The following TSHZ2 variants were observed in gnomAD, a reference collection of about 807,000 sequenced individuals.
TSHZ2 encodes teashirt zinc finger homeobox 2.
In TSHZ2, 21 loss-of-function variants were observed where a neutral mutation model predicts 74.4. The ratio of observed to expected loss-of-function variants is 0.28; its 90% CI spans 0.20 to 0.41. The LOEUF is 0.41. Ranked by LOEUF, TSHZ2 falls within the 10% of genes least tolerant of loss-of-function variation. The pLI is 1.00. For synonymous variants in TSHZ2, 540 were observed against 515.3 expected (o/e 1.05, Z -0.65); for missense variants, 1,244 against 1,293.5 (o/e 0.96, Z 0.59).
intron 1 of TSHZ2, among the ~76,000 whole-genome samples, chr20:53,143,098 G>A (rs954583845): frequency 6.6e-6 from 1 of 152,106 alleles, no homozygotes; most frequent in Non-Finnish European, 1.5e-5. Flanking sequence ...ACCAGATGAG[G>A]CATATGTAAA....
At chr20:53,373,594 T>A (rs2067853473) in intron 2 of TSHZ2, among the ~76,000 whole-genome samples, 1 of 152,186 alleles carries the variant, frequency 6.6e-6, no homozygotes, top group Non-Finnish European at 1.5e-5. Context: ...GAGACGGTGA[T>A]GACTTAAAGT....
Position 53,255,677 on chromosome 20 carries a change from C to G in TSHZ2, c.2219C>G (p.Pro740Arg), listed in dbSNP as rs763413101. The G allele has an allele frequency of 1.3e-6, 2 of 1,585,072 alleles. No homozygotes were observed. Among genetic ancestry groups the G allele is most frequent in the Non-Finnish European group, 1.7e-6 (2 of 1,166,266 alleles). The change falls in exon 2 of 3, where the codon CCG (proline) becomes CGG (arginine). Residue 740 changes from proline to arginine, a missense_variant. Pro to Arg is a moderately radical substitution (Grantham distance 103). Around this residue, in one of 6 missense-constraint regions of TSHZ2, gnomAD observed 562 missense variants for 544.0 expected, o/e 1.03. Coordinates refer to ENST00000371497, the MANE Select transcript of TSHZ2 (RefSeq NM_173485.6). This position sits in a 1 kb window ranked among gnomAD's most constrained non-coding sequence, Gnocchi z 4.1. ...HKSNLNVMDK[P>R]VLSPASTRSA... Reference sequence around the variant, plus strand: ...TCGAATCTCAATGTCATGGACAAGCCGGTCTTGAGTCCTGCCTCCACAAGG... The same window carrying G: ...TCGAATCTCAATGTCATGGACAAGCGGGTCTTGAGTCCTGCCTCCACAAGG...
intron 1 of TSHZ2, among the ~76,000 whole-genome samples, chr20:53,163,905 T>C (rs1039750113): frequency 6.6e-6 from 1 of 152,222 alleles, no homozygotes; most frequent in African/African-American, 2.4e-5. Flanking sequence ...CAGCAATTGA[T>C]AACTAATATA....
rs191033418 is a variant in TSHZ2 at position 53,205,277 on chromosome 20, C to T, written c.41-48222C>T. ...GAGTTGGTGGCTGGCTTCCAACATG[C>T]GCCTAAGCTTAAAATAGCATGCATT... On this transcript the variant is annotated intron_variant, in intron 1 of 2. Transcript: ENST00000371497. Among the ~76,000 whole-genome samples the T allele has an allele frequency of 9.2e-5, 14 of 152,196 alleles. No individual in the cohort carries two copies. In the East Asian group the frequency reaches 1.7e-3, roughly 19 times the overall value.
At chr20:53,177,649 T>C (rs1268642779) in intron 1 of TSHZ2, among the ~76,000 whole-genome samples, 1 of 152,342 alleles carries the variant, frequency 6.6e-6, no homozygotes, top group Non-Finnish European at 1.5e-5. Flanking sequence ...TATGATTACA[T>C]TAGTATACAG....
In TSHZ2 at chr20:53,491,210, A is replaced by G. The variant is rs1201002244; in HGVS notation, c.*4075A>G. On this transcript the variant is annotated 3_prime_UTR_variant, in exon 3 of 3. Transcript: ENST00000371497. ...TTAAAATATGCACATATGTAGTTCT[A>G]AAGAGCAATAACGGTAGTATCTATT... The G allele has an allele frequency of 6.6e-6, 1 of 152,250 alleles. No individual in the cohort carries two copies. The highest frequency in any genetic ancestry group is 1.5e-5 in the Non-Finnish European group (1 of 68,038). 9.4% of individuals were successfully genotyped at this position (152,250 alleles called of 1,614,324 possible).
chr20:53,415,487 TGCACCCCAC>T lies in TSHZ2; in HGVS notation c.*9-71656_*9-71648del, dbSNP rs1253027562. On this transcript the variant is annotated intron_variant, in intron 2 of 2. Transcript: ENST00000371497. ...TCTTCCTCTTCCTCCAGGCACCCCATGCACCCCACACACACAGCCTCCTACTCTACAGGC... is the reference window on the plus strand; with the variant it reads ...TCTTCCTCTTCCTCCAGGCACCCCATACACACAGCCTCCTACTCTACAGGC... 9.9e-5 allele frequency among the ~76,000 whole-genome samples: 15 copies of T among 152,020 alleles called. No individual in the cohort carries two copies. In the South Asian group the frequency reaches 2.1e-3, roughly 21 times the overall value.
At chr20:53,125,138 T>C (rs1292795615) in intron 1 of TSHZ2, among the ~76,000 whole-genome samples, 1 of 152,270 alleles carries the variant, frequency 6.6e-6, no homozygotes, top group Non-Finnish European at 1.5e-5. Flanking sequence ...ATAATCATAA[T>C]GCTTAATTTA....
At chr20:53,049,942 C>A (rs1298335302) in intron 1 of TSHZ2, among the ~76,000 whole-genome samples, 4 of 151,212 alleles carry the variant, frequency 2.6e-5, no homozygotes, top group African/African-American at 9.8e-5. Context: ...ATTGGCCTGG[C>A]TTGGTGGTGC....
intron 1 of TSHZ2, among the ~76,000 whole-genome samples, chr20:53,219,254 C>G (rs1011639300): frequency 6.6e-6 from 1 of 152,170 alleles, no homozygotes; most frequent in African/African-American, 2.4e-5. Context: ...TATGGCCCAC[C>G]CCTGGCTTTT....
intron 1 of TSHZ2, among the ~76,000 whole-genome samples, chr20:53,233,283 C>A (rs1989869630): frequency 6.6e-6 from 1 of 152,188 alleles, no homozygotes; most frequent in Admixed American, 6.5e-5. Context: ...AAAGTCCCTG[C>A]CCTCATGGAG....
At chr20:53,205,082 C>G (rs1989133263) in intron 1 of TSHZ2, among the ~76,000 whole-genome samples, 1 of 148,022 alleles carries the variant, frequency 6.8e-6, no homozygotes, top group Admixed American at 6.7e-5. Flanking sequence ...CAGAGGGAGA[C>G]TCCATCTCAA....
chr20:53,152,525 G>C (rs1038851807), intron 1 of TSHZ2, among the ~76,000 whole-genome samples: 9 of 152,178 alleles, frequency 5.9e-5, no homozygotes, highest in African/African-American at 2.2e-4. Context: ...TTGCCACACA[G>C]AAACACAGAC....
At chr20:53,229,717 G>A (rs1989774116) in intron 1 of TSHZ2, among the ~76,000 whole-genome samples, 1 of 151,734 alleles carries the variant, frequency 6.6e-6, no homozygotes, top group African/African-American at 2.4e-5. Context: ...CTGGCAATTG[G>A]GAGAGAAAAG....
At chr20:53,337,651 G>A (rs1263855798) in intron 2 of TSHZ2, among the ~76,000 whole-genome samples, 1 of 152,174 alleles carries the variant, frequency 6.6e-6, no homozygotes, top group African/African-American at 2.4e-5. Context: ...GAACAACCAC[G>A]TGTGGCTCAG....
chr20:53,137,539 C>A (rs934018442), intron 1 of TSHZ2, among the ~76,000 whole-genome samples: 9 of 152,138 alleles, frequency 5.9e-5, no homozygotes, highest in African/African-American at 2.2e-4. Flanking sequence ...ACAGTTGCCA[C>A]CATCCCTCTC....
Position 53,491,589 on chromosome 20 carries a change from C to G in TSHZ2, c.*4454C>G, listed in dbSNP as rs1362056071. 1 of 152,200 alleles carries G rather than the reference C, an allele frequency of 6.6e-6. No homozygotes were observed. The allele number at this position is 152,200 out of a possible 1,614,324, so 9.4% of individuals were successfully genotyped here. Reference sequence around the variant, plus strand: ...GAGGCATACGCAGATATACAATTTTCAGGCTCTAGTTAATCTTCTTCCAAT... The same window carrying G: ...GAGGCATACGCAGATATACAATTTTGAGGCTCTAGTTAATCTTCTTCCAAT... On this transcript the variant is annotated 3_prime_UTR_variant, in exon 3 of 3. Coordinates refer to ENST00000371497, the MANE Select transcript of TSHZ2 (RefSeq NM_173485.6).
rs895775120 is a variant in TSHZ2 at position 52,972,855 on chromosome 20, G to GT, written c.-438dup. On this transcript the variant is annotated 5_prime_UTR_variant, in exon 1 of 3. Transcript: ENST00000371497. ...TTTTTTTCCTTATCTTTACGCGCGA[G>GT]TGTGCCTGTGGCGCGTGTGCGCCCC... is the stretch of plus-strand genomic sequence containing the variant. 97 of 216,966 alleles carry GT rather than the reference G, an allele frequency of 4.5e-4. No individual in the cohort carries two copies. The highest frequency in any genetic ancestry group is 2.2e-3 in the African/African-American group (94 of 43,122). The allele number at this position is 216,966 out of a possible 1,614,324, so 13.4% of individuals were successfully genotyped here. A position where few individuals can be genotyped will look rare whatever the true frequency, so the allele number is the denominator to read the frequency against.
intron 1 of TSHZ2, among the ~76,000 whole-genome samples, chr20:53,115,519 CTG>C (rs1221654338): frequency 6.6e-6 from 1 of 152,208 alleles, no homozygotes; most frequent in Non-Finnish European, 1.5e-5. Flanking sequence ...CCATGTGGAA[CTG>C]TGAGTCCGTT....
Sources: gnomAD v4.1 joint callset for allele counts (sites outside exome capture counted in the v4.1 genomes callset) on GRCh38, gnomAD v4.1.1 for gene constraint, gnomAD v4.1.1 regional missense constraint, Gnocchi (gnomAD v3.1) non-coding constraint, MANE v1.5 for transcripts, NCBI Gene and HGNC (gene_info 2026-07-23, HGNC 2026-07-21) for gene names.